Variants in FAM216A observed in about 807,000 individuals in gnomAD.
FAM216A encodes the protein protein FAM216A.
A neutral mutation model predicts 37.6 loss-of-function variants in FAM216A; 26 were observed. The observed-to-expected ratio is 0.69, with a 90% CI of 0.51 to 0.96. The LOEUF (loss-of-function observed/expected upper bound fraction) is 0.96. Ranked by LOEUF, FAM216A falls within the 40% of genes least tolerant of loss-of-function variation. The pLI, the probability that FAM216A is intolerant of heterozygous loss-of-function variation, is 0.00. For missense variants in FAM216A, 326 were observed against 339.3 expected (o/e 0.96, Z 0.31); for synonymous variants, 110 against 121.7 (o/e 0.90, Z 0.64).
intron 2 of FAM216A, among the ~76,000 whole-genome samples, chr12:110,482,801 A>G (rs1450803130): frequency 6.6e-6 from 1 of 152,070 alleles, no homozygotes; most frequent in Middle Eastern, 3.2e-3. Flanking sequence ...TCTCAAAAAA[A>G]AAAAAAAAGA....
chr12:110,485,114 T>C lies in FAM216A; in HGVS notation c.221T>C (p.Ile74Thr), dbSNP rs770349155. Residue 74 changes from isoleucine to threonine, a missense_variant, in exon 3 of 7, where the codon ATA becomes ACA. By Grantham distance (89) the Ile-to-Thr change is moderately conservative. Transcript: ENST00000377673. ...GATGGATACAAAGTGAACTCACACATAGCTAAGCTGCAAGAGTTATGGAAA... is the reference window on the plus strand; with the variant it reads ...GATGGATACAAAGTGAACTCACACACAGCTAAGCTGCAAGAGTTATGGAAA... ...IKDGYKVNSH[I>T]AKLQELWKTP... 3.4e-5 allele frequency: 55 copies of C among 1,612,538 alleles called. No homozygotes were observed. Among genetic ancestry groups the C allele is most frequent in the Admixed American group, 1.0e-4 (6 of 59,630 alleles).
chr12:110,489,076 C>T (rs1481811210), intron 6 of FAM216A, among the ~76,000 whole-genome samples: 1 of 152,122 alleles, frequency 6.6e-6, no homozygotes, highest in Non-Finnish European at 1.5e-5. Context: ...CCTTCTACCA[C>T]AAGAACAAAA....
At chr12:110,471,967 C>T (rs1056552852) in intron 1 of FAM216A, among the ~76,000 whole-genome samples, 1 of 152,052 alleles carries the variant, frequency 6.6e-6, no homozygotes, top group Non-Finnish European at 1.5e-5. Flanking sequence ...CGTGGTGGCT[C>T]ACACCTGTAA....
chr12:110,486,153 T>C (rs2062775434), intron 3 of FAM216A, 172 bp from the exon 4 acceptor site: 2 of 622,310 alleles, frequency 3.2e-6, no homozygotes, highest in Admixed American at 6.4e-5. Context: ...CAGAGCCACT[T>C]GCACTGTTTA....
intron 1 of FAM216A, among the ~76,000 whole-genome samples, chr12:110,470,654 A>G (rs1009034052): frequency 1.3e-5 from 2 of 151,712 alleles, no homozygotes; most frequent in Non-Finnish European, 2.9e-5. Context: ...TAATTTTTGT[A>G]TTTTTAGTAG....
intron 2 of FAM216A, among the ~76,000 whole-genome samples, chr12:110,481,356 T>A (rs567595022): frequency 1.3e-5 from 2 of 152,274 alleles, no homozygotes; most frequent in South Asian, 4.1e-4. Context: ...CTATTTTTCT[T>A]TTTCTTTTGA....
rs766080436 is a variant in FAM216A at position 110,473,099 on chromosome 12, C to T, written c.165C>T (p.Tyr55=). ...GGGGSAGYSC[Y]QNSKGSDRIK... ...ACAGATCAGCTGGATACTCTTGTTA[C>T]CAGAATTCCAAAGGTTCTGGTGAGT... The change falls in exon 2 of 7, where the codon TAC becomes TAT. Residue 55 remains tyrosine (Y), a synonymous_variant. Coordinates refer to ENST00000377673, the MANE Select transcript of FAM216A (RefSeq NM_013300.3). The T allele has an allele frequency of 6.4e-7, 1 of 1,561,024 alleles. No homozygotes were observed. The highest frequency in any genetic ancestry group is 1.4e-5 in the African/African-American group (1 of 73,624).
intron 5 of FAM216A, 105 bp downstream of exon 5, chr12:110,486,822 T>C (rs2062779789): frequency 2.0e-6 from 2 of 1,010,756 alleles, no homozygotes; most frequent in Non-Finnish European, 1.5e-6. Context: ...AGTGGTGTGA[T>C]ACAGTTTACT....
intron 2 of FAM216A, among the ~76,000 whole-genome samples, chr12:110,475,397 A>G (rs1227323531): frequency 6.6e-6 from 1 of 152,074 alleles, no homozygotes; most frequent in East Asian, 1.9e-4. Flanking sequence ...ACACGCCACC[A>G]TGCCTGGCTG....
At chr12:110,489,553 G>A (rs1592985316) in intron 6 of FAM216A, among the ~76,000 whole-genome samples, 2 of 152,120 alleles carry the variant, frequency 1.3e-5, no homozygotes, top group South Asian at 4.2e-4. Flanking sequence ...GACAGTGTTA[G>A]CCAGCTTTGC....
rs1308375828 is a variant in FAM216A at position 110,490,034 on chromosome 12, C to G, written c.719C>G (p.Ser240Cys). 3 of 1,450,736 alleles carry G rather than the reference C, an allele frequency of 2.1e-6. 1 individual carries two copies. In the South Asian group the frequency reaches 3.4e-5, roughly 17 times the overall value. The allele number at this position is 1,450,736 out of a possible 1,614,324, so 89.9% of individuals were successfully genotyped here. A position where few individuals can be genotyped will look rare whatever the true frequency, so the allele number is the denominator to read the frequency against. Residue 240 changes from serine (S) to cysteine (C), a missense_variant, in exon 7 of 7, where the codon TCT becomes TGT. Coordinates refer to ENST00000377673, the MANE Select transcript of FAM216A (RefSeq NM_013300.3). Reference protein sequence around the residue: ...LFMQTVSSDDSESHMSEEKKE... With the variant: ...LFMQTVSSDDCESHMSEEKKE... ...TTTCCTTCAGTTTCTTCAGATGATTCTGAATCACACATGAGTGAAGAAAAA... is the reference window on the plus strand; with the variant it reads ...TTTCCTTCAGTTTCTTCAGATGATTGTGAATCACACATGAGTGAAGAAAAA...
chr12:110,474,535 C>CA (rs1164860181), intron 2 of FAM216A, among the ~76,000 whole-genome samples: 6 of 148,184 alleles, frequency 4.0e-5, no homozygotes, highest in South Asian at 2.1e-4. Flanking sequence ...GCTAAATATA[C>CA]AAAAAAATTA....
chr12:110,472,610 T>A (rs2062692873), intron 1 of FAM216A, among the ~76,000 whole-genome samples: 1 of 151,942 alleles, frequency 6.6e-6, no homozygotes, highest in East Asian at 1.9e-4. Context: ...ACCAGAATTA[T>A]AGGAAAAAAT....
At chr12:110,487,811 G>A in intron 5 of FAM216A, 50 bp from the exon 6 acceptor site, 1 of 1,099,316 alleles carries the variant, frequency 9.1e-7, no homozygotes, top group Non-Finnish European at 1.4e-6. Flanking sequence ...CATGCCCTAG[G>A]CAGCTGTTCA....
At position 110,471,652 on chromosome 12, in the gene FAM216A, A is replaced by T. The variant is rs138801391; in HGVS notation, c.144-1426A>T. On this transcript the variant is annotated intron_variant, in intron 1 of 6. Coordinates refer to ENST00000377673, the MANE Select transcript of FAM216A (RefSeq NM_013300.3). Reference sequence around the variant, plus strand: ...CTTAAAAAGGATCACGCTGGTTGCTAGTTGGAGAATAAACTAGAAGGAGCA... The same window carrying T: ...CTTAAAAAGGATCACGCTGGTTGCTTGTTGGAGAATAAACTAGAAGGAGCA... Among the ~76,000 whole-genome samples the T allele has an allele frequency of 5.3e-5, 8 of 152,292 alleles. No individual in the cohort carries two copies. In the East Asian group the frequency reaches 1.5e-3, roughly 29 times the overall value.
chr12:110,476,536 C>A (rs774281061), intron 2 of FAM216A, among the ~76,000 whole-genome samples: 2 of 147,018 alleles, frequency 1.4e-5, no homozygotes, highest in African/African-American at 5.0e-5. Context: ...TAGCTTTTTT[C>A]TTTTTTTTGA....
chr12:110,481,664 C>T (rs2062747703), intron 2 of FAM216A, among the ~76,000 whole-genome samples: 1 of 151,976 alleles, frequency 6.6e-6, no homozygotes, highest in Non-Finnish European at 1.5e-5. Flanking sequence ...CATGCCCAGC[C>T]TATTTATTTT....
chr12:110,468,871 G>C lies in FAM216A; in HGVS notation c.-5G>C. ...GCCTGACGCACGCGTGCTGTCGGGG[G>C]AGGGATGCTGGGACAGCTGCTCCCG... is the stretch of plus-strand genomic sequence containing the variant. On this transcript the variant is annotated 5_prime_UTR_variant, in exon 1 of 7. Transcript: ENST00000377673. 1 of 1,503,350 alleles carries C rather than the reference G, an allele frequency of 6.7e-7. No individual in the cohort carries two copies. Among genetic ancestry groups the C allele is most frequent in the Middle Eastern group, 1.9e-4 (1 of 5,270 alleles). The allele number at this position is 1,503,350 out of a possible 1,614,324, so 93.1% of individuals were successfully genotyped here. A position where few individuals can be genotyped will look rare whatever the true frequency, so the allele number is the denominator to read the frequency against.
At chr12:110,485,548 T>A (rs1242570461) in intron 3 of FAM216A, among the ~76,000 whole-genome samples, 7 of 151,430 alleles carry the variant, frequency 4.6e-5, no homozygotes, top group Admixed American at 4.0e-4. Context: ...ACTACAAAAT[T>A]AAGAAGAAAG....
Sources: allele counts gnomAD v4.1 joint callset (sites outside exome capture counted in the v4.1 genomes callset), GRCh38; gene constraint gnomAD v4.1.1; transcripts MANE v1.5; gene names NCBI Gene and HGNC (gene_info 2026-07-23, HGNC 2026-07-21).